WWOX: variants seen among roughly 807,000 people sequenced by gnomAD.
The protein encoded by WWOX is WW domain-containing oxidoreductase.
In WWOX, 69 loss-of-function variants were observed where a neutral mutation model predicts 46.2. That is an observed-to-expected ratio of 1.49 (90% CI 1.23 to 1.82). The LOEUF is 1.82. Ranked by LOEUF, WWOX falls within the 40% of genes most tolerant of loss-of-function variation. The probability of loss-of-function intolerance (pLI) is 0.00; values close to 1 mark genes in which losing one functional copy is unlikely to be tolerated. For missense variants in WWOX, 919 were observed against 542.6 expected, an observed-to-expected ratio of 1.69 and a Z score of -6.89; for synonymous variants, 359 against 202.6, an observed-to-expected ratio of 1.77 and a Z score of -6.56.
chr16:78,121,251 T>G (rs781370017), intron 4 of WWOX, among the ~76,000 whole-genome samples: 2 of 152,242 alleles, frequency 1.3e-5, no homozygotes, highest in Non-Finnish European at 2.9e-5. Context: ...AACTCCATTT[T>G]AAATTAAAAA....
intron 8 of WWOX, among the ~76,000 whole-genome samples, chr16:78,938,165 A>C (rs1180948764): frequency 1.3e-5 from 2 of 152,142 alleles, no homozygotes; most frequent in Admixed American, 1.3e-4. Context: ...GGCCTCTGGG[A>C]AAGACACAGG....
intron 8 of WWOX, among the ~76,000 whole-genome samples, chr16:78,599,745 T>G (rs1465131614): frequency 6.6e-6 from 1 of 152,012 alleles, no homozygotes; most frequent in Non-Finnish European, 1.5e-5. Context: ...GAGGGAGAAT[T>G]GTTACCCCCG....
chr16:78,917,387 C>T (rs1395634202), intron 8 of WWOX, among the ~76,000 whole-genome samples: 2 of 152,150 alleles, frequency 1.3e-5, no homozygotes, highest in East Asian at 1.9e-4. Context: ...ATTCCTGTTG[C>T]AGCCTTAGTC....
chr16:78,139,174 A>T (rs1216906817), intron 4 of WWOX, among the ~76,000 whole-genome samples: 2 of 152,212 alleles, frequency 1.3e-5, no homozygotes, highest in Non-Finnish European at 2.9e-5. Context: ...GAAAAGATTT[A>T]TGTAAATTAG....
chr16:78,126,296 C>A (rs554297391), intron 4 of WWOX, among the ~76,000 whole-genome samples: 4 of 152,098 alleles, frequency 2.6e-5, no homozygotes, highest in Admixed American at 2.6e-4. Context: ...TGATTTGCTC[C>A]CCAACCTTAA....
chr16:78,531,175 A>G (rs1172100453), intron 8 of WWOX, among the ~76,000 whole-genome samples: 1 of 152,210 alleles, frequency 6.6e-6, no homozygotes, highest in Non-Finnish European at 1.5e-5. Context: ...TTAAGCAGAA[A>G]ACAGAGGTCT....
At chr16:78,910,056 A>G (rs895765332) in intron 8 of WWOX, among the ~76,000 whole-genome samples, 1 of 152,200 alleles carries the variant, frequency 6.6e-6, no homozygotes. Context: ...CCCAGATGTC[A>G]TATATTTATG....
At chr16:79,067,962 T>C (rs1038979456) in intron 8 of WWOX, among the ~76,000 whole-genome samples, 3 of 152,096 alleles carry the variant, frequency 2.0e-5, no homozygotes, top group East Asian at 1.9e-4. Context: ...AATAAATAAT[T>C]AGTTTTGAGA....
chr16:78,314,059 G>A (rs929073668), intron 5 of WWOX, among the ~76,000 whole-genome samples: 2 of 152,098 alleles, frequency 1.3e-5, no homozygotes, highest in African/African-American at 4.8e-5. Flanking sequence ...CTGGGCATCT[G>A]TCTCCTTCAG....
intron 8 of WWOX, among the ~76,000 whole-genome samples, chr16:79,091,287 T>G (rs75199446): frequency 1.3e-5 from 2 of 149,010 alleles, no homozygotes; most frequent in Non-Finnish European, 3.0e-5. Context: ...TTAATGCTGC[T>G]TTTTTTTTTC....
chr16:78,523,242 C>A (rs572674304), intron 8 of WWOX, among the ~76,000 whole-genome samples: 11 of 152,256 alleles, frequency 7.2e-5, no homozygotes, highest in African/African-American at 2.6e-4. Flanking sequence ...ACCAAAGGAC[C>A]TAAATAAAAT....
intron 8 of WWOX, among the ~76,000 whole-genome samples, chr16:78,548,927 T>G (rs1186187919): frequency 3.3e-5 from 5 of 152,244 alleles, no homozygotes; most frequent in Admixed American, 6.5e-5. Context: ...CTATCTTAAC[T>G]GCCAAGTTTT....
intron 4 of WWOX, among the ~76,000 whole-genome samples, chr16:78,144,494 C>CATATATATATATATATAT (rs2034124970): frequency 1.0e-4 from 1 of 9,920 alleles, no homozygotes; most frequent in Non-Finnish European, 1.6e-4. Flanking sequence ...TATACACACA[C>CATATATATATATATATAT]ACACACATAT....
Position 78,625,330 on chromosome 16 carries a change from C to T in WWOX, c.1056+192578C>T, listed in dbSNP as rs535021747. Among the ~76,000 whole-genome samples, 14 of 152,286 alleles carry T rather than the reference C, an allele frequency of 9.2e-5. No individual in the cohort carries two copies. The East Asian group carries it at 2.7e-3, about 29-fold the overall frequency. On this transcript the variant is annotated intron_variant, in intron 8 of 8. Coordinates refer to ENST00000566780, the MANE Select transcript of WWOX (RefSeq NM_016373.4). ...GGAGGAATCCCTGGAGCCTCCCCAT[C>T]CAAGGCCAGCGTGTTCCATTTGAGG...
intron 8 of WWOX, among the ~76,000 whole-genome samples, chr16:78,476,619 TAAAAAA>T (rs5818142): frequency 1.3e-5 from 2 of 151,052 alleles, no homozygotes; most frequent in African/African-American, 4.9e-5. Context: ...AAATACATAT[TAAAAAA>T]AAAAAGAACT....
chr16:78,357,152 C>T (rs1454654997), intron 5 of WWOX, among the ~76,000 whole-genome samples: 3 of 152,140 alleles, frequency 2.0e-5, no homozygotes, highest in South Asian at 4.1e-4. Flanking sequence ...ATCTTTGAGT[C>T]ACTGCAGTAA....
chr16:79,072,146 C>T (rs73570901), intron 8 of WWOX, among the ~76,000 whole-genome samples: 12,348 of 151,998 alleles, frequency 0.081, 608 homozygotes, highest in African/African-American at 0.14. Context: ...ATTAGTTAGG[C>T]ATGGTAGAGT....
chr16:78,499,395 C>T (rs1270234592), intron 8 of WWOX, among the ~76,000 whole-genome samples: 2 of 152,226 alleles, frequency 1.3e-5, no homozygotes, highest in East Asian at 3.9e-4. Flanking sequence ...GTGATAGTCT[C>T]ATAGTCTTAT....
At chr16:78,801,780 A>G (rs1160380300) in intron 8 of WWOX, among the ~76,000 whole-genome samples, 4 of 152,330 alleles carry the variant, frequency 2.6e-5, no homozygotes, top group Admixed American at 2.0e-4. Flanking sequence ...AGTTTCAGAC[A>G]AAGGGACATT....
Sources: gnomAD v4.1 joint callset for allele counts (sites outside exome capture counted in the v4.1 genomes callset) on GRCh38, gnomAD v4.1.1 for gene constraint, MANE v1.5 for transcripts, NCBI Gene and HGNC (gene_info 2026-07-23, HGNC 2026-07-21) for gene names.